The following WNT3 variants were observed in gnomAD, a reference collection of about 807,000 sequenced individuals.
The protein encoded by WNT3 is Wnt family member 3, also known as proto-oncogene Wnt-3.
In WNT3, 7 loss-of-function variants were observed where a neutral mutation model predicts 34.2. That is an observed-to-expected ratio of 0.20 (90% CI 0.12 to 0.38). The LOEUF is 0.38. WNT3 is among the 10% of genes least tolerant of loss of function. The pLI is 1.00. For synonymous variants in WNT3, 212 were observed against 211.5 expected, an observed-to-expected ratio of 1.00 and a Z score of -0.02; for missense variants, 267 against 499.8, an observed-to-expected ratio of 0.53 and a Z score of 4.44.
intron 1 of WNT3, among the ~76,000 whole-genome samples, chr17:46,802,884 G>C (rs2084144074): frequency 6.6e-6 from 1 of 152,092 alleles, no homozygotes; most frequent in Non-Finnish European, 1.5e-5. Flanking sequence ...GTGTGTTCCT[G>C]TGTTCTGCGA....
intron 1 of WNT3, among the ~76,000 whole-genome samples, chr17:46,800,345 A>C (rs905988677): frequency 3.3e-5 from 5 of 152,154 alleles, no homozygotes; most frequent in Non-Finnish European, 7.4e-5. Context: ...TCCTGACCTC[A>C]GGTGATCCGC....
chr17:46,789,103 C>T (rs1407377113), intron 1 of WNT3, among the ~76,000 whole-genome samples: 1 of 152,176 alleles, frequency 6.6e-6, no homozygotes, highest in Non-Finnish European at 1.5e-5. Flanking sequence ...TGCTGGACGC[C>T]GGGAGCACAG....
At chr17:46,777,332 G>T (rs1253119826) in intron 1 of WNT3, among the ~76,000 whole-genome samples, 1 of 152,258 alleles carries the variant, frequency 6.6e-6, no homozygotes, top group Admixed American at 6.5e-5. Flanking sequence ...GAGTCGGGGG[G>T]CCCATGCTGG....
intron 3 of WNT3, among the ~76,000 whole-genome samples, chr17:46,769,042 G>C (rs143921855): frequency 3.3e-5 from 5 of 152,324 alleles, no homozygotes; most frequent in African/African-American, 1.2e-4. Context: ...AATACGAGTT[G>C]TTGCCCAGGC....
chr17:46,775,865 G>A (rs1598762055), intron 1 of WNT3, among the ~76,000 whole-genome samples: 1 of 151,682 alleles, frequency 6.6e-6, no homozygotes, highest in East Asian at 1.9e-4. Context: ...CACACACCTC[G>A]GCCTCCCAAA....
intron 1 of WNT3, among the ~76,000 whole-genome samples, chr17:46,803,040 C>A (rs139856323): frequency 1.4e-3 from 219 of 152,248 alleles, no homozygotes; most frequent in Non-Finnish European, 2.5e-3. Context: ...AAGACCTCAA[C>A]CTATGGGATC....
chr17:46,768,311 C>A lies in WNT3; in HGVS notation c.*8+1G>T. 6.2e-7 allele frequency: 1 copy of A among 1,613,422 alleles called. No individual in the cohort carries two copies. Among genetic ancestry groups the A allele is most frequent in the Non-Finnish European group, 8.5e-7 (1 of 1,180,032 alleles). On this transcript the variant is annotated splice_donor_variant, in intron 4 of 4. Transcript: ENST00000225512. LOFTEE classifies it low-confidence loss of function (3UTR_SPLICE). This position sits in a 1 kb window ranked among gnomAD's most constrained non-coding sequence, Gnocchi z 5.0. ...CTCCCCCCTGCTTCCCGGAGCCCTA[C>A]CTGGTGCCCTACTTGCAGGTGTGCA...
rs748871277 is a variant in WNT3, at chr17:46,768,284, G to C, written c.*8+28C>G. The C allele has an allele frequency of 4.3e-6, 7 of 1,612,310 alleles. No homozygotes were observed. Among genetic ancestry groups the C allele is most frequent in the Non-Finnish European group, 5.9e-6 (7 of 1,180,008 alleles). ...CCCATTCCCTGCGCCCAGGCTCCCA[G>C]CCTCCCCCCTGCTTCCCGGAGCCCT... On this transcript the variant is annotated intron_variant, in intron 4 of 4. Coordinates refer to ENST00000225512, the MANE Select transcript of WNT3 (RefSeq NM_030753.5). The surrounding 1 kb of genome is among the most constrained non-coding windows in gnomAD (Gnocchi z 5.0).
chr17:46,795,692 G>A (rs569428873), intron 1 of WNT3, among the ~76,000 whole-genome samples: 7 of 152,294 alleles, frequency 4.6e-5, no homozygotes, highest in South Asian at 4.1e-4. Flanking sequence ...GCTGTTCTGC[G>A]GCACTGCTGA....
At chr17:46,813,066 A>T (rs1279060730) in intron 1 of WNT3, among the ~76,000 whole-genome samples, 1 of 152,018 alleles carries the variant, frequency 6.6e-6, no homozygotes, top group Non-Finnish European at 1.5e-5. Context: ...CGAGGTTTGG[A>T]AGTGCAAGCA....
intron 2 of WNT3, among the ~76,000 whole-genome samples, chr17:46,770,977 C>T (rs1042824031): frequency 6.6e-6 from 1 of 152,256 alleles, no homozygotes; most frequent in African/African-American, 2.4e-5. Context: ...CTGACACAGG[C>T]TGTGAAACGC....
At chr17:46,807,596 T>C (rs1053440578) in intron 1 of WNT3, among the ~76,000 whole-genome samples, 6 of 152,360 alleles carry the variant, frequency 3.9e-5, no homozygotes, top group Non-Finnish European at 8.8e-5. Flanking sequence ...TTTTGCTTTT[T>C]AATTCGCATG....
intron 1 of WNT3, among the ~76,000 whole-genome samples, chr17:46,791,587 A>C (rs2083987594): frequency 1.3e-5 from 2 of 151,616 alleles, no homozygotes; most frequent in South Asian, 4.2e-4. Flanking sequence ...CCTTCCCCTC[A>C]CTGTGTACAA....
intron 2 of WNT3, among the ~76,000 whole-genome samples, chr17:46,771,756 C>G (rs1386941188): frequency 4.2e-3 from 152 of 36,074 alleles, no homozygotes; most frequent in African/African-American, 0.012. Flanking sequence ...CGGCGCCCCC[C>G]GCCCCCGCGC....
chr17:46,776,373 C>T (rs958094313), intron 1 of WNT3, among the ~76,000 whole-genome samples: 1 of 152,234 alleles, frequency 6.6e-6, no homozygotes, highest in African/African-American at 2.4e-5. Flanking sequence ...ATCATATAAT[C>T]CCTGTGGTTT....
At chr17:46,773,623 T>TGG in intron 2 of WNT3, 45 bp downstream of exon 2, 1 of 383,492 alleles carries the variant, frequency 2.6e-6, no homozygotes, top group East Asian at 8.0e-5. Flanking sequence ...TCCTGATCCC[T>TGG]CCCCCCACCC....
Position 46,762,635 on chromosome 17 carries a change from A to G in WNT3, c.*1995T>C, listed in dbSNP as rs2059279181. The G allele has an allele frequency of 6.6e-6, 1 of 151,334 alleles. No individual in the cohort carries two copies. Among genetic ancestry groups the G allele is most frequent in the South Asian group, 2.1e-4 (1 of 4,828 alleles). The allele number at this position is 151,334 out of a possible 1,614,324, so 9.4% of individuals were successfully genotyped here. On this transcript the variant is annotated 3_prime_UTR_variant, in exon 5 of 5. Coordinates refer to ENST00000225512, the MANE Select transcript of WNT3 (RefSeq NM_030753.5). ...GTTAACTCAAAGGTATATACATTGTATAATAAATAATATTTATAAAAAGAG... is the reference window on the plus strand; with the variant it reads ...GTTAACTCAAAGGTATATACATTGTGTAATAAATAATATTTATAAAAAGAG...
chr17:46,780,965 G>A (rs1232306640), intron 1 of WNT3, among the ~76,000 whole-genome samples: 1 of 152,050 alleles, frequency 6.6e-6, no homozygotes, highest in East Asian at 1.9e-4. Context: ...AGCGGGTGTG[G>A]TGGCGGTAAT....
At chr17:46,783,565 T>C (rs2059479607) in intron 1 of WNT3, among the ~76,000 whole-genome samples, 1 of 152,176 alleles carries the variant, frequency 6.6e-6, no homozygotes, top group Admixed American at 6.5e-5. Context: ...TGTGGGTGCC[T>C]TAAATGAGTG....
Sources: gnomAD v4.1 joint callset for allele counts (sites outside exome capture counted in the v4.1 genomes callset) on GRCh38, gnomAD v4.1.1 for gene constraint, Gnocchi (gnomAD v3.1) non-coding constraint, MANE v1.5 for transcripts, NCBI Gene and HGNC (gene_info 2026-07-23, HGNC 2026-07-21) for gene names.